Variants in CWC27 observed in about 807,000 individuals in gnomAD.
CWC27 encodes the protein CWC27 spliceosome associated cyclophilin, also known as spliceosome-associated protein CWC27 homolog.
A neutral mutation model predicts 63.6 loss-of-function variants in CWC27; 47 were observed. The ratio of observed to expected loss-of-function variants is 0.74; its 90% CI spans 0.58 to 0.94. The LOEUF (loss-of-function observed/expected upper bound fraction) is 0.94, where lower values mean the gene tolerates loss of function less well. CWC27 is among the 40% of genes least tolerant of loss of function. CWC27 has a pLI of 0.00. For synonymous variants in CWC27, 175 were observed against 179.8 expected (o/e 0.97, Z 0.22); for missense variants, 495 against 554.3 (o/e 0.89, Z 1.07).
chr5:64,988,089 C>G (rs1749469333), intron 13 of CWC27, among the ~76,000 whole-genome samples: 1 of 152,164 alleles, frequency 6.6e-6, no homozygotes. Context: ...TCTCTGTCAC[C>G]TCCATTCTGC....
intron 10 of CWC27, among the ~76,000 whole-genome samples, chr5:64,827,832 T>G (rs891781222): frequency 3.3e-5 from 5 of 152,154 alleles, no homozygotes; most frequent in African/African-American, 1.2e-4. Flanking sequence ...TCCAGAAATA[T>G]ATAATTCATA....
At chr5:64,899,839 C>T (rs916206340) in intron 11 of CWC27, among the ~76,000 whole-genome samples, 1 of 152,200 alleles carries the variant, frequency 6.6e-6, no homozygotes, top group African/African-American at 2.4e-5. Flanking sequence ...TCTCTGATCC[C>T]CTGGCAACCA....
intron 10 of CWC27, among the ~76,000 whole-genome samples, chr5:64,845,438 A>G (rs1377183864): frequency 6.6e-6 from 1 of 152,242 alleles, no homozygotes; most frequent in African/African-American, 2.4e-5. Context: ...CTACTCATAA[A>G]GATGTTCAGT....
intron 11 of CWC27, among the ~76,000 whole-genome samples, chr5:64,922,873 T>C (rs1748023776): frequency 6.6e-6 from 1 of 152,248 alleles, no homozygotes. Flanking sequence ...CGTTTCTGGA[T>C]GCTTTTGGAG....
intron 10 of CWC27, among the ~76,000 whole-genome samples, chr5:64,816,734 G>T (rs1745043298): frequency 6.6e-6 from 1 of 152,106 alleles, no homozygotes; most frequent in Non-Finnish European, 1.5e-5. Flanking sequence ...AACCCAAAAT[G>T]ATACAAGGCA....
intron 11 of CWC27, among the ~76,000 whole-genome samples, chr5:64,906,075 A>G (rs1171199525): frequency 6.6e-6 from 1 of 152,120 alleles, no homozygotes; most frequent in African/African-American, 2.4e-5. Context: ...AATCCAGTCT[A>G]TCATTGATAG....
intron 13 of CWC27, among the ~76,000 whole-genome samples, chr5:65,017,301 A>G (rs919270869): frequency 2.0e-5 from 3 of 152,198 alleles, no homozygotes; most frequent in Non-Finnish European, 2.9e-5. Context: ...AGCCTGGGCA[A>G]CAGAGTGAGA....
chr5:64,837,636 T>C (rs182864997), intron 10 of CWC27, among the ~76,000 whole-genome samples: 2 of 151,998 alleles, frequency 1.3e-5, no homozygotes, highest in East Asian at 3.9e-4. Flanking sequence ...AAGTTCAGGG[T>C]TAAAGAAATT....
chr5:64,833,931 A>G (rs1030982327), intron 10 of CWC27, among the ~76,000 whole-genome samples: 1 of 151,572 alleles, frequency 6.6e-6, no homozygotes, highest in Non-Finnish European at 1.5e-5. Context: ...AGGAAACTTT[A>G]TTATATTGAT....
chr5:64,961,069 G>A (rs1748900082), intron 11 of CWC27, among the ~76,000 whole-genome samples: 1 of 152,154 alleles, frequency 6.6e-6, no homozygotes, highest in Non-Finnish European at 1.5e-5. Context: ...TCATTAGGTA[G>A]GTAGCCAATG....
chr5:64,837,819 TCTTTA>T (rs1309971060), intron 10 of CWC27, among the ~76,000 whole-genome samples: 4 of 152,122 alleles, frequency 2.6e-5, no homozygotes, highest in Admixed American at 2.6e-4. Flanking sequence ...CATAGAAACC[TCTTTA>T]CTTTCAAAGT....
At chr5:64,794,031 A>G (rs1744170652) in intron 7 of CWC27, among the ~76,000 whole-genome samples, 1 of 152,102 alleles carries the variant, frequency 6.6e-6, no homozygotes, top group African/African-American at 2.4e-5. Flanking sequence ...TACCTGATAA[A>G]ATCTCTTAGA....
chr5:64,832,470 C>A (rs1388441160), intron 10 of CWC27, among the ~76,000 whole-genome samples: 1 of 151,140 alleles, frequency 6.6e-6, no homozygotes, highest in Non-Finnish European at 1.5e-5. Flanking sequence ...CAAAGTTTGT[C>A]AGTTTTTCTT....
chr5:64,884,506 G>A (rs1448426609), intron 10 of CWC27, among the ~76,000 whole-genome samples: 1 of 152,206 alleles, frequency 6.6e-6, no homozygotes, highest in Non-Finnish European at 1.5e-5. Context: ...AATCACATAT[G>A]TAATTATCTA....
intron 11 of CWC27, among the ~76,000 whole-genome samples, chr5:64,907,001 C>A (rs1580718446): frequency 1.3e-5 from 2 of 151,980 alleles, no homozygotes; most frequent in Non-Finnish European, 2.9e-5. Flanking sequence ...ATTTCTGAGG[C>A]CTGTGTTCTG....
intron 1 of CWC27, among the ~76,000 whole-genome samples, chr5:64,771,615 G>A (rs181669832): frequency 6.6e-4 from 101 of 152,212 alleles, no homozygotes; most frequent in African/African-American, 2.2e-3. Flanking sequence ...CAAATGATAG[G>A]GGTCTGTCTT....
intron 6 of CWC27, among the ~76,000 whole-genome samples, chr5:64,787,963 G>T (rs985349121): frequency 6.6e-6 from 1 of 152,066 alleles, no homozygotes; most frequent in African/African-American, 2.4e-5. Flanking sequence ...AGTAGTATAG[G>T]CATTCAATAC....
chr5:64,846,366 G>T (rs547535006), intron 10 of CWC27, among the ~76,000 whole-genome samples: 6 of 152,332 alleles, frequency 3.9e-5, no homozygotes, highest in African/African-American at 1.4e-4. Flanking sequence ...CATTAAAAAT[G>T]ATGTAAATTC....
At chr5:64,929,435 C>T (rs577562072) in intron 11 of CWC27, among the ~76,000 whole-genome samples, 5 of 152,240 alleles carry the variant, frequency 3.3e-5, no homozygotes, top group African/African-American at 1.2e-4. Context: ...ACCTAGAAGC[C>T]ATCTTGAAAG....
Sources: allele counts gnomAD v4.1 joint callset (sites outside exome capture counted in the v4.1 genomes callset), GRCh38; gene constraint gnomAD v4.1.1; transcripts MANE v1.5; gene names NCBI Gene and HGNC (gene_info 2026-07-23, HGNC 2026-07-21).